The following MOB4 variants were observed in gnomAD, a reference collection of about 807,000 sequenced individuals.
MOB4 encodes MOB family member 4, phocein.
A neutral mutation model predicts 32.2 loss-of-function variants in MOB4; 4 were observed. The observed-to-expected ratio is 0.12, with a 90% CI of 0.06 to 0.28. MOB4 has a LOEUF of 0.28. Among genes scored for constraint, MOB4 ranks in the 10% least tolerant of loss-of-function variants. The probability of loss-of-function intolerance (pLI) is 1.00; values close to 1 mark genes in which losing one functional copy is unlikely to be tolerated. For synonymous variants in MOB4, 88 were observed against 88.1 expected, an observed-to-expected ratio of 1.00 and a Z score of 0.01; for missense variants, 158 against 271.2, an observed-to-expected ratio of 0.58 and a Z score of 2.93.
intron 2 of MOB4, among the ~76,000 whole-genome samples, chr2:197,532,356 T>G (rs1325257444): frequency 1.3e-5 from 2 of 152,234 alleles, no homozygotes; most frequent in Admixed American, 1.3e-4. Flanking sequence ...ATAAGTAAAG[T>G]CAGTTTCTAA....
intron 1 of MOB4, among the ~76,000 whole-genome samples, chr2:197,522,156 C>T (rs2086531530): frequency 6.6e-6 from 1 of 152,004 alleles, no homozygotes; most frequent in Non-Finnish European, 1.5e-5. Flanking sequence ...GTTTGGGGTC[C>T]CTGACTTCCT....
At chr2:197,518,224 GC>G (rs1319256036) in intron 1 of MOB4, among the ~76,000 whole-genome samples, 2 of 151,826 alleles carry the variant, frequency 1.3e-5, no homozygotes, top group African/African-American at 4.8e-5. Context: ...TGGAATATAG[GC>G]ACATAGTTGG....
chr2:197,527,047 G>A (rs1489934560), intron 2 of MOB4, among the ~76,000 whole-genome samples: 1 of 152,054 alleles, frequency 6.6e-6, no homozygotes, highest in Admixed American at 6.6e-5. Flanking sequence ...CCTCGGCTGG[G>A]ATTACAGGCA....
chr2:197,546,353 G>A (rs887939039), intron 5 of MOB4, among the ~76,000 whole-genome samples: 1 of 150,344 alleles, frequency 6.7e-6, no homozygotes, highest in Admixed American at 6.6e-5. Flanking sequence ...GAGCCACTGC[G>A]CCCGGCCTCA....
At chr2:197,542,764 A>G (rs1000308524) in intron 5 of MOB4, among the ~76,000 whole-genome samples, 3 of 152,216 alleles carry the variant, frequency 2.0e-5, no homozygotes, top group Non-Finnish European at 4.4e-5. Flanking sequence ...GTAACCTGCT[A>G]TATTTTGCCA....
At chr2:197,516,246 G>A in intron 1 of MOB4, 100 bp downstream of exon 1, 1 of 1,515,102 alleles carries the variant, frequency 6.6e-7, no homozygotes, top group Non-Finnish European at 8.8e-7. Context: ...GAGGCGGCAG[G>A]CGGGCGGGCT....
rs115076590 is a variant in MOB4, at chr2:197,526,269, G to A, written c.123+2583G>A. ...AAAATGGTGTTAAATTTTGTCAAAT[G>A]CTTTTTCTGCACCTATTGAGATGAT... On this transcript the variant is annotated intron_variant, in intron 2 of 7. Coordinates refer to ENST00000323303, the MANE Select transcript of MOB4 (RefSeq NM_015387.5). Among the ~76,000 whole-genome samples, 1,332 of 152,162 alleles carry A rather than the reference G, an allele frequency of 8.8e-3. 17 individuals carry two copies. Among genetic ancestry groups the A allele is most frequent in the African/African-American group, 0.031 (1,276 of 41,528 alleles).
intron 2 of MOB4, among the ~76,000 whole-genome samples, chr2:197,526,856 G>A (rs1163425678): frequency 1.3e-5 from 2 of 152,146 alleles, no homozygotes; most frequent in Non-Finnish European, 2.9e-5. Flanking sequence ...CTGTTTGTCT[G>A]TATGTCTATC....
intron 2 of MOB4, among the ~76,000 whole-genome samples, chr2:197,525,061 G>C (rs2086585425): frequency 6.6e-6 from 1 of 152,132 alleles, no homozygotes; most frequent in Non-Finnish European, 1.5e-5. Flanking sequence ...AAAGTAGATA[G>C]CTGGCCGGGT....
At chr2:197,544,048 TTC>T (rs1296204694) in intron 5 of MOB4, among the ~76,000 whole-genome samples, 2 of 151,696 alleles carry the variant, frequency 1.3e-5, no homozygotes, top group African/African-American at 2.4e-5. Context: ...CCGAGTTTCT[TTC>T]TTTTTTTTTT....
At chr2:197,524,076 C>T (rs1339452064) in intron 2 of MOB4, among the ~76,000 whole-genome samples, 2 of 152,066 alleles carry the variant, frequency 1.3e-5, no homozygotes, top group African/African-American at 4.8e-5. Context: ...CCTGTTTCTA[C>T]GAAAAGATAA....
chr2:197,551,189 C>G lies in MOB4; in HGVS notation c.*543C>G, dbSNP rs550345812. Reference sequence around the variant, plus strand: ...TTATGTGTATATCTAAATACAAATGCAAATGAAGCATTAGTAATACTTAAA... The same window carrying G: ...TTATGTGTATATCTAAATACAAATGGAAATGAAGCATTAGTAATACTTAAA... On this transcript the variant is annotated 3_prime_UTR_variant, in exon 8 of 8. Coordinates refer to ENST00000323303, the MANE Select transcript of MOB4 (RefSeq NM_015387.5). The G allele has an allele frequency of 6.6e-6, 1 of 152,396 alleles. No individual in the cohort carries two copies. Among genetic ancestry groups the G allele is most frequent in the South Asian group, 2.1e-4 (1 of 4,822 alleles). 9.4% of individuals were successfully genotyped at this position (152,396 alleles called of 1,614,324 possible). A position where few individuals can be genotyped will look rare whatever the true frequency, so the allele number is the denominator to read the frequency against.
chr2:197,524,297 C>A (rs1415584782), intron 2 of MOB4, among the ~76,000 whole-genome samples: 1 of 152,064 alleles, frequency 6.6e-6, no homozygotes, highest in African/African-American at 2.4e-5. Context: ...TTTTGGGAAG[C>A]CGAGGCAGGT....
intron 5 of MOB4, among the ~76,000 whole-genome samples, chr2:197,547,044 G>A (rs772369167): frequency 2.0e-5 from 3 of 152,062 alleles, no homozygotes; most frequent in South Asian, 2.1e-4. Flanking sequence ...CCAGGAGTTC[G>A]AGACCAGCCT....
intron 3 of MOB4, among the ~76,000 whole-genome samples, chr2:197,538,989 A>G (rs1046669242): frequency 2.6e-5 from 4 of 152,344 alleles, no homozygotes; most frequent in Admixed American, 2.0e-4. Context: ...TACAATGTGC[A>G]GTAAGTAAGT....
chr2:197,520,551 T>C (rs1024120272), intron 1 of MOB4, among the ~76,000 whole-genome samples: 1 of 152,162 alleles, frequency 6.6e-6, no homozygotes, highest in Admixed American at 6.6e-5. Context: ...TTATAGATTA[T>C]TGGTTTACTC....
Position 197,533,951 on chromosome 2 carries a change from C to G in MOB4, c.124-1579C>G. 2 of 577,652 alleles carry G rather than the reference C, an allele frequency of 3.5e-6. 1 individual carries two copies. Among genetic ancestry groups the G allele is most frequent in the South Asian group, 2.8e-5 (2 of 71,862 alleles). The allele number at this position is 577,652 out of a possible 1,614,324, so 35.8% of individuals were successfully genotyped here. A position where few individuals can be genotyped will look rare whatever the true frequency, so the allele number is the denominator to read the frequency against. On this transcript the variant is annotated intron_variant, in intron 2 of 7. Coordinates refer to ENST00000323303, the MANE Select transcript of MOB4 (RefSeq NM_015387.5). ...TCTAAGAGGAGACATTGGAAAAGAA[C>G]CAAGCTGGGTCTAGAAGGAATTTTA...
intron 1 of MOB4, among the ~76,000 whole-genome samples, chr2:197,523,236 T>A (rs892094106): frequency 6.6e-6 from 1 of 152,166 alleles, no homozygotes; most frequent in Admixed American, 6.5e-5. Flanking sequence ...GAATCTGTGA[T>A]TGGAAAAAAC....
At chr2:197,516,247 C>T in intron 1 of MOB4, 101 bp downstream of exon 1, 1 of 1,512,826 alleles carries the variant, frequency 6.6e-7, no homozygotes, top group Non-Finnish European at 8.8e-7. Flanking sequence ...AGGCGGCAGG[C>T]GGGCGGGCTG....
Sources: gnomAD v4.1 joint callset for allele counts (sites outside exome capture counted in the v4.1 genomes callset) on GRCh38, gnomAD v4.1.1 for gene constraint, MANE v1.5 for transcripts, NCBI Gene and HGNC (gene_info 2026-07-23, HGNC 2026-07-21) for gene names.